DNAH12: variants seen among roughly 807,000 people sequenced by gnomAD.
The protein encoded by DNAH12 is dynein axonemal heavy chain 12, also known as axonemal beta dynein heavy chain 12.
A neutral mutation model predicts 371.5 loss-of-function variants in DNAH12; 285 were observed. That is an observed-to-expected ratio of 0.77 (90% CI 0.70 to 0.85). The LOEUF (loss-of-function observed/expected upper bound fraction) is 0.85. DNAH12 is among the 40% of genes least tolerant of loss of function. The pLI is 0.00. For synonymous variants in DNAH12, 1,200 were observed against 1,213.0 expected (o/e 0.99, Z 0.22); for missense variants, 3,611 against 3,689.4 (o/e 0.98, Z 0.55).
intron 29 of DNAH12, among the ~76,000 whole-genome samples, chr3:57,444,350 C>T (rs532516730): frequency 2.0e-5 from 3 of 152,024 alleles, no homozygotes; most frequent in East Asian, 1.9e-4. Context: ...ACCACCATGC[C>T]TGGCTAATTT....
At chr3:57,551,917 A>C in the DNAH12 span, among the ~76,000 whole-genome samples, 1 of 151,940 alleles carries the variant, frequency 6.6e-6, no homozygotes, top group South Asian at 2.1e-4. Flanking sequence ...ACTTAGAAAT[A>C]ACTCAGACAT....
chr3:57,542,677 A>G, intron 2 of DNAH12, 24 bp downstream of exon 2: 2 of 1,534,492 alleles, frequency 1.3e-6, no homozygotes, highest in Non-Finnish European at 1.7e-6. Flanking sequence ...CCAAGCAAGA[A>G]TTATCTACTA....
intron 34 of DNAH12, among the ~76,000 whole-genome samples, chr3:57,427,755 T>C (rs2064825570): frequency 6.6e-6 from 1 of 152,062 alleles, no homozygotes; most frequent in Non-Finnish European, 1.5e-5. Context: ...GTTGGAGTTA[T>C]GTAGCCACAA....
intron 33 of DNAH12, 127 bp downstream of exon 33, chr3:57,429,564 G>A (rs1311397333): frequency 1.2e-6 from 1 of 808,476 alleles, no homozygotes; most frequent in East Asian, 2.9e-5. Flanking sequence ...AGCATACACT[G>A]TGTCTTATTC....
intron 60 of DNAH12, among the ~76,000 whole-genome samples, chr3:57,351,679 C>T (rs2062678611): frequency 6.6e-6 from 1 of 152,226 alleles, no homozygotes; most frequent in Admixed American, 6.5e-5. Context: ...ATATTACTTG[C>T]TTTCATTCAT....
At chr3:57,375,232 A>G (rs2063258542) in intron 55 of DNAH12, 139 bp downstream of exon 55, 1 of 152,192 alleles carries the variant, frequency 6.6e-6, no homozygotes. Context: ...TAAAGCAGCA[A>G]GAATACTAAA....
At chr3:57,444,606 A>T in intron 29 of DNAH12, 91 bp downstream of exon 29, 1 of 1,506,014 alleles carries the variant, frequency 6.6e-7, no homozygotes, top group Non-Finnish European at 8.9e-7. Context: ...TCAAAACAGA[A>T]TAATTTCACA....
At chr3:57,553,437 G>C in the DNAH12 span, among the ~76,000 whole-genome samples, 1 of 152,168 alleles carries the variant, frequency 6.6e-6, no homozygotes, top group East Asian at 1.9e-4. Context: ...CTGTGAAGAT[G>C]ATGGTGGAGG....
At chr3:57,366,342 TAGCAGCCCTTGGGGCTGCTCTATGG>T (rs1297915034) in intron 57 of DNAH12, among the ~76,000 whole-genome samples, 7 of 152,302 alleles carry the variant, frequency 4.6e-5, no homozygotes, top group Admixed American at 2.6e-4. Context: ...AATGGACGAC[TAGCAGCCCTTGGGGCTGCTCTATGG>T]AGCAGCCATT....
upstream of DNAH12, among the ~76,000 whole-genome samples, chr3:57,547,597 CAGGT>C (rs1373953587): frequency 6.6e-6 from 1 of 151,994 alleles, no homozygotes; most frequent in Non-Finnish European, 1.5e-5. Context: ...CTGGAGATAT[CAGGT>C]AGAGAGAAAG....
chr3:57,439,644 T>C (rs1449795942), intron 29 of DNAH12, among the ~76,000 whole-genome samples: 1 of 152,192 alleles, frequency 6.6e-6, no homozygotes, highest in Non-Finnish European at 1.5e-5. Context: ...AATTTATGAC[T>C]AAGTCCTCAA....
intron 25 of DNAH12, among the ~76,000 whole-genome samples, chr3:57,447,055 T>TA (rs2153370965): frequency 6.6e-6 from 1 of 152,008 alleles, no homozygotes; most frequent in South Asian, 2.1e-4. Context: ...GCAAAGGGGG[T>TA]AAAACACCAG....
chr3:57,415,408 T>C lies in DNAH12; in HGVS notation c.5853+18A>G, dbSNP rs1386423709. 5.8e-6 allele frequency: 9 copies of C among 1,544,166 alleles called. No individual in the cohort carries two copies. The Admixed American group carries it at 1.9e-4, about 32-fold the overall frequency. ...AAAAAAATTAACGATAGACCCCCAT[T>C]TCTGTCTTTAAACTAACCTGAACCT... is the stretch of plus-strand genomic sequence containing the variant. On this transcript the variant is annotated intron_variant, in intron 38 of 73. Coordinates refer to ENST00000495027, the MANE Select transcript of DNAH12 (RefSeq NM_001366028.2).
chr3:57,448,412 C>CT (rs948390191), intron 25 of DNAH12, among the ~76,000 whole-genome samples: 1 of 150,582 alleles, frequency 6.6e-6, no homozygotes, highest in Admixed American at 6.6e-5. Context: ...GACCTTCGCC[C>CT]TGAGTGTTAA....
chr3:57,483,062 A>G (rs1210503664), intron 13 of DNAH12, among the ~76,000 whole-genome samples: 1 of 150,926 alleles, frequency 6.6e-6, no homozygotes, highest in Non-Finnish European at 1.5e-5. Flanking sequence ...CCTAAAACTT[A>G]AAGTATAATA....
intron 65 of DNAH12, 118 bp downstream of exon 65, chr3:57,322,225 G>T: frequency 8.6e-7 from 1 of 1,158,752 alleles, no homozygotes; most frequent in South Asian, 2.1e-5. Flanking sequence ...TAGGAAATGC[G>T]TAAAGTTTTA....
intron 25 of DNAH12, among the ~76,000 whole-genome samples, chr3:57,451,582 T>C (rs915220624): frequency 3.9e-5 from 6 of 152,190 alleles, no homozygotes; most frequent in African/African-American, 1.4e-4. Flanking sequence ...GAGGTTGCAG[T>C]GAGCCATGAT....
At chr3:57,500,853 T>C (rs1358111798) in intron 11 of DNAH12, among the ~76,000 whole-genome samples, 2 of 152,164 alleles carry the variant, frequency 1.3e-5, no homozygotes, top group Non-Finnish European at 2.9e-5. Context: ...CCTCCTGGGC[T>C]CAAGTTATCC....
chr3:57,405,506 A>C, intron 41 of DNAH12, 147 bp downstream of exon 41: 1 of 924,374 alleles, frequency 1.1e-6, no homozygotes, highest in Non-Finnish European at 1.6e-6. Flanking sequence ...TCCTATGAAG[A>C]TAAATCTTCT....
Sources: gnomAD v4.1 joint callset for allele counts (sites outside exome capture counted in the v4.1 genomes callset) on GRCh38, gnomAD v4.1.1 for gene constraint, MANE v1.5 for transcripts, NCBI Gene and HGNC (gene_info 2026-07-23, HGNC 2026-07-21) for gene names.